The following PSG2 variants were observed in gnomAD, a reference collection of about 807,000 sequenced individuals.
The protein encoded by PSG2 is pregnancy specific beta-1-glycoprotein 2, also known as pregnancy-specific beta-1-glycoprotein 2.
A neutral mutation model predicts 36.2 loss-of-function variants in PSG2; 49 were observed. The observed-to-expected ratio is 1.35, with a 90% CI of 1.08 to 1.72. PSG2 has a LOEUF of 1.72. Among genes scored for constraint, PSG2 ranks in the 40% most tolerant of loss-of-function variants. The pLI is 0.00. For missense variants in PSG2, 605 were observed against 407.2 expected (o/e 1.49, Z -4.18); for synonymous variants, 261 against 155.6 (o/e 1.68, Z -5.04).
At position 43,081,224 on chromosome 19, in the gene PSG2, G is replaced by C. The variant is rs746907891; in HGVS notation, c.87C>G (p.Asn29Lys). The C allele has an allele frequency of 9.9e-5, 159 of 1,612,204 alleles. No homozygotes were observed. Among genetic ancestry groups the C allele is most frequent in the Middle Eastern group, 1.6e-4 (1 of 6,078 alleles). ...LVTASLLNFWNLPTTAQVTIE... is the reference protein window; with the variant it reads ...LVTASLLNFWKLPTTAQVTIE... ...TCGTGACTTGGGCAGTGGTGGGCAG[G>C]TTCCAGAAGTTTAAAAGTGATGCTA... Residue 29 changes from asparagine (N) to lysine (K), a missense_variant, in exon 2 of 6, where the codon AAC becomes AAG. Coordinates refer to ENST00000406487, the MANE Select transcript of PSG2 (RefSeq NM_031246.4).
Position 43,075,616 on chromosome 19 carries a change from G to A in PSG2, c.447C>T (p.Pro149=). The change falls in exon 3 of 6, where the codon CCC becomes CCT. Residue 149 remains proline (P), a synonymous_variant. Transcript: ENST00000406487. ...TFTLYLETPK[P]SISSSNLNPR... is the part of the protein sequence containing the mutation. ...GGTTTAAGTTGCTGCTGGAGATGGA[G>A]GGCTTGGGAGTCTCCACTGTGCAGA... 1 of 1,612,784 alleles carries A rather than the reference G, an allele frequency of 6.2e-7. No homozygotes were observed. Among genetic ancestry groups the A allele is most frequent in the Non-Finnish European group, 8.5e-7 (1 of 1,179,548 alleles).
chr19:43,077,938 G>T (rs1967920530), intron 2 of PSG2, among the ~76,000 whole-genome samples: 1 of 151,608 alleles, frequency 6.6e-6, no homozygotes, highest in South Asian at 2.1e-4. Context: ...TGCCTGACCG[G>T]AAGCCAGAAG....
chr19:43,066,537 C>G lies in PSG2; in HGVS notation c.*20G>C, dbSNP rs752235525. 8 of 1,581,548 alleles carry G rather than the reference C, an allele frequency of 5.1e-6. No individual in the cohort carries two copies. Among genetic ancestry groups the G allele is most frequent in the Non-Finnish European group, 5.2e-6 (6 of 1,151,526 alleles). On this transcript the variant is annotated 3_prime_UTR_variant, in exon 5 of 6. Coordinates refer to ENST00000406487, the MANE Select transcript of PSG2 (RefSeq NM_031246.4). ...CATACCTGCCAGTCTTCCTGAAATACAGAAATGACATCACAGCTGCTATGT... is the reference window on the plus strand; with the variant it reads ...CATACCTGCCAGTCTTCCTGAAATAGAGAAATGACATCACAGCTGCTATGT...
intron 2 of PSG2, among the ~76,000 whole-genome samples, chr19:43,078,791 T>TG: frequency 6.6e-6 from 1 of 151,746 alleles, no homozygotes; most frequent in East Asian, 1.9e-4. Context: ...CAATAATTTT[T>TG]TTGTGTGTGT....
rs1599712994 is a variant in PSG2, at chr19:43,082,575, C to A, written c.-6G>T. ...GGGGCTGAGAGGGGCCCCATGGTCT[C>A]TGCTGCCTGTGTGTTCTCCTCTGTG... On this transcript the variant is annotated 5_prime_UTR_variant, in exon 1 of 6. Transcript: ENST00000406487. 1 of 1,611,622 alleles carries A rather than the reference C, an allele frequency of 6.2e-7. No homozygotes were observed. The highest frequency in any genetic ancestry group is 1.3e-5 in the African/African-American group (1 of 74,328).
At chr19:43,065,351 T>C (rs1430364075) in intron 5 of PSG2, 1 of 151,638 alleles carries the variant, frequency 6.6e-6, no homozygotes, top group Admixed American at 6.6e-5. Context: ...TTGAAAAAGG[T>C]CCTTAGGTAA....
Position 43,081,212 on chromosome 19 carries a change from A to G in PSG2, c.99T>C (p.Thr33=), listed in dbSNP as rs1266908171. ...SLLNFWNLPT[T]AQVTIEAQPP... ...GCTGGGCTTCAATCGTGACTTGGGC[A>G]GTGGTGGGCAGGTTCCAGAAGTTTA... Residue 33 remains threonine, a synonymous_variant, in exon 2 of 6, where the codon ACT becomes ACC. Transcript: ENST00000406487. 3.1e-6 allele frequency: 5 copies of G among 1,612,460 alleles called. No homozygotes were observed. Among genetic ancestry groups the G allele is most frequent in the Admixed American group, 1.7e-5 (1 of 59,878 alleles).
intron 4 of PSG2, 84 bp from the exon 5 acceptor site, chr19:43,066,684 G>C: frequency 7.0e-7 from 1 of 1,425,372 alleles, no homozygotes; most frequent in Non-Finnish European, 9.9e-7. Context: ...TGTAACATGA[G>C]GTACTCTATA....
At position 43,064,423 on chromosome 19, in the gene PSG2, A is replaced by G. The variant is rs1168427485; in HGVS notation, c.*219T>C. The G allele has an allele frequency of 5.9e-6, 2 of 341,570 alleles. No homozygotes were observed. Among genetic ancestry groups the G allele is most frequent in the African/African-American group, 2.2e-5 (1 of 46,304 alleles). The allele number at this position is 341,570 out of a possible 1,614,324, so 21.2% of individuals were successfully genotyped here. On this transcript the variant is annotated 3_prime_UTR_variant, in exon 6 of 6. Transcript: ENST00000406487. ...TTTTCAAATAGAAAATTATGAAATC[A>G]TTATCCTTTTGATTATTTAGTCCAA...
intron 1 of PSG2, chr19:43,082,119 T>A (rs1452761587): frequency 1.1e-5 from 1 of 94,916 alleles, no homozygotes; most frequent in Non-Finnish European, 2.0e-5. Context: ...TTCTTTCTTC[T>A]CTCTTTTTTT....
Position 43,081,313 on chromosome 19 carries a change from G to C in PSG2, c.65-67C>G, listed in dbSNP as rs76743533. The C allele has an allele frequency of 3.9e-6, 6 of 1,548,494 alleles. No individual in the cohort carries two copies. The East Asian group carries it at 1.3e-4, about 35-fold the overall frequency. On this transcript the variant is annotated intron_variant, in intron 1 of 5. Coordinates refer to ENST00000406487, the MANE Select transcript of PSG2 (RefSeq NM_031246.4). ...TATTGGGGTGAAAAGATGGGGCCCTGGGTCCTGAGGAGGTCTCTTCAATCC... is the reference window on the plus strand; with the variant it reads ...TATTGGGGTGAAAAGATGGGGCCCTCGGTCCTGAGGAGGTCTCTTCAATCC...
intron 2 of PSG2, among the ~76,000 whole-genome samples, chr19:43,077,987 G>C (rs1229940699): frequency 1.3e-5 from 2 of 151,680 alleles, no homozygotes; most frequent in Non-Finnish European, 2.9e-5. Flanking sequence ...CTCTATAGCA[G>C]GTTGAGGATG....
chr19:43,064,833 TA>T (rs907804197), intron 5 of PSG2, among the ~76,000 whole-genome samples: 1 of 151,848 alleles, frequency 6.6e-6, no homozygotes, highest in East Asian at 1.9e-4. Flanking sequence ...GAATACTCAT[TA>T]AAAAAATTTT....
chr19:43,074,295 T>A (rs1195314318), intron 3 of PSG2, among the ~76,000 whole-genome samples: 1 of 151,736 alleles, frequency 6.6e-6, no homozygotes, highest in Admixed American at 6.6e-5. Context: ...TAGTATTGTC[T>A]TTCTAACAAT....
Position 43,066,838 on chromosome 19 carries a change from A to G in PSG2, c.965-238T>C, listed in dbSNP as rs1259429185. ...TCTCTACTGCACTCAGATATTTTGG[A>G]AGGCTTTCAGATGTGAGAAAGGCTG... On this transcript the variant is annotated intron_variant, in intron 4 of 5. Coordinates refer to ENST00000406487, the MANE Select transcript of PSG2 (RefSeq NM_031246.4). 1.3e-5 allele frequency among the ~76,000 whole-genome samples: 2 copies of G among 149,948 alleles called. 1 individual carries two copies. Among genetic ancestry groups the G allele is most frequent in the Middle Eastern group, 6.9e-3 (2 of 290 alleles).
rs1241315611 is a variant in PSG2 at position 43,071,709 on chromosome 19, T to C, written c.955A>G (p.Lys319Glu). Reference protein sequence around the residue: ...GEESSTSLTVKVSASTRIGLL... With the variant: ...GEESSTSLTVEVSASTRIGLL... The stretch of plus-strand genomic sequence containing the variant: ...GCTGGGATCCACTTACCAGAGACTT[T>C]GACTGTCAACGATGTGGAGCTTTCC... Residue 319 changes from lysine (K) to glutamate (E), a missense_variant, in exon 4 of 6, where the codon AAA (lysine) becomes GAA (glutamate). Transcript: ENST00000406487. The C allele has an allele frequency of 8.1e-6, 13 of 1,612,958 alleles. No homozygotes were observed. The highest frequency in any genetic ancestry group is 2.2e-5 in the East Asian group (1 of 44,880).
At chr19:43,069,660 A>G (rs1374581650) in intron 4 of PSG2, among the ~76,000 whole-genome samples, 1 of 151,728 alleles carries the variant, frequency 6.6e-6, no homozygotes, top group Non-Finnish European at 1.5e-5. Context: ...CAAGGGCAAG[A>G]AAACTAGAAC....
chr19:43,072,663 T>C, intron 3 of PSG2: 1 of 1,605,862 alleles, frequency 6.2e-7, no homozygotes, highest in Non-Finnish European at 8.5e-7. Context: ...TTGTCCTGTG[T>C]GGCACTTTTG....
rs548603032 is a variant in PSG2 at position 43,080,721 on chromosome 19, G to T, written c.430+160C>A. On this transcript the variant is annotated intron_variant, in intron 2 of 5. Transcript: ENST00000406487. ...GAAAGGAATTCTGATCTGTTGAAAT[G>T]TGTCTCCTCTGTGTGTGTCCTGCAC... is the stretch of plus-strand genomic sequence containing the variant. Among the ~76,000 whole-genome samples, 433 of 151,744 alleles carry T rather than the reference G, an allele frequency of 2.9e-3. 7 individuals are homozygous for T. Among genetic ancestry groups the T allele is most frequent in the Admixed American group, 4.8e-3 (74 of 15,258 alleles).
Sources: allele counts gnomAD v4.1 joint callset (sites outside exome capture counted in the v4.1 genomes callset), GRCh38; gene constraint gnomAD v4.1.1; transcripts MANE v1.5; gene names NCBI Gene and HGNC (gene_info 2026-07-23, HGNC 2026-07-21).